ARNT2: variants seen among roughly 807,000 people sequenced by gnomAD.
The protein encoded by ARNT2 is ARNT protein 2.
Under a neutral mutation model 91.7 loss-of-function variants are expected in ARNT2, and 36 were observed. The observed-to-expected ratio is 0.39, with a 90% CI of 0.30 to 0.52. The LOEUF (loss-of-function observed/expected upper bound fraction) is 0.52. ARNT2 is among the 20% of genes least tolerant of loss of function. ARNT2 has a pLI of 0.72. For missense variants in ARNT2, 775 were observed against 939.3 expected, an observed-to-expected ratio of 0.83 and a Z score of 2.29; for synonymous variants, 365 against 347.1, an observed-to-expected ratio of 1.05 and a Z score of -0.57.
chr15:80,431,738 G>T lies in ARNT2; in HGVS notation c.32-19142G>T, dbSNP rs74512564. Among the ~76,000 whole-genome samples the T allele has an allele frequency of 7.6e-4, 116 of 152,272 alleles. No individual in the cohort carries two copies. In the East Asian group the frequency reaches 0.019, roughly 25 times the overall value. ...GGTTGTTGTCCCTACTTATCCAGCA[G>T]GGATCCTCATTAGGGGACACTGGCC... On this transcript the variant is annotated intron_variant, in intron 1 of 18. Coordinates refer to ENST00000303329, the MANE Select transcript of ARNT2 (RefSeq NM_014862.4).
At chr15:80,568,188 C>A (rs1484661263) in intron 12 of ARNT2, among the ~76,000 whole-genome samples, 1 of 152,206 alleles carries the variant, frequency 6.6e-6, no homozygotes, top group Admixed American at 6.5e-5. Context: ...ACGTGCTGGT[C>A]ACACAGCACA....
chr15:80,442,025 C>T (rs1896199160), intron 1 of ARNT2, among the ~76,000 whole-genome samples: 3 of 152,126 alleles, frequency 2.0e-5, no homozygotes, highest in Admixed American at 2.0e-4. Context: ...CATTTGCCAT[C>T]GGTTATGATC....
chr15:80,585,127 T>C (rs1898871668), intron 17 of ARNT2, among the ~76,000 whole-genome samples: 1 of 152,244 alleles, frequency 6.6e-6, no homozygotes, highest in African/African-American at 2.4e-5. Context: ...ATTTCTTCCA[T>C]TTCAGACCTT....
At chr15:80,575,214 A>G in intron 14 of ARNT2, 104 bp downstream of exon 14, 1 of 1,442,884 alleles carries the variant, frequency 6.9e-7, no homozygotes, top group Non-Finnish European at 9.6e-7. Flanking sequence ...ACGGAAGGTG[A>G]GTTTTGAGTA....
At chr15:80,430,098 T>G (rs1204914802) in intron 1 of ARNT2, among the ~76,000 whole-genome samples, 1 of 152,160 alleles carries the variant, frequency 6.6e-6, no homozygotes, top group African/African-American at 2.4e-5. Context: ...CCTAGGTCAC[T>G]CTAGGTCTTC....
chr15:80,470,419 C>T lies in ARNT2; in HGVS notation c.396C>T (p.Phe132=), dbSNP rs780074025. The change falls in exon 4 of 19, where the codon TTC becomes TTT. Residue 132 remains phenylalanine (F), a synonymous_variant. Transcript: ENST00000303329. ...KSTDGAYKPS[F]LTEQELKHLI... Reference sequence around the variant, plus strand: ...CCGATGGCGCGTACAAGCCTTCCTTCCTCACAGAGCAGGTACCCTGGTCAT... The same window carrying T: ...CCGATGGCGCGTACAAGCCTTCCTTTCTCACAGAGCAGGTACCCTGGTCAT... The T allele has an allele frequency of 1.2e-6, 2 of 1,614,046 alleles. No individual in the cohort carries two copies. The highest frequency in any genetic ancestry group is 1.7e-6 in the Non-Finnish European group (2 of 1,180,034).
chr15:80,521,331 T>C (rs1441253327), intron 8 of ARNT2, among the ~76,000 whole-genome samples: 1 of 151,974 alleles, frequency 6.6e-6, no homozygotes, highest in East Asian at 1.9e-4. Flanking sequence ...AGTTAAAGCA[T>C]AAAAAATTAA....
Position 80,574,143 on chromosome 15 carries a change from C to T in ARNT2, c.1317-5C>T, listed in dbSNP as rs1164859546. 6.2e-7 allele frequency: 1 copy of T among 1,613,928 alleles called. No homozygotes were observed. Among genetic ancestry groups the T allele is most frequent in the African/African-American group, 1.3e-5 (1 of 74,932 alleles). ...ATGACCCTCTGTTGTCTTCTTGTTT[C>T]ACAGGCAACTTCAGCAACAGCAGGC... On this transcript the variant is annotated splice_polypyrimidine_tract_variant and splice_region_variant and intron_variant, in intron 12 of 18. Coordinates refer to ENST00000303329, the MANE Select transcript of ARNT2 (RefSeq NM_014862.4).
intron 8 of ARNT2, among the ~76,000 whole-genome samples, chr15:80,528,458 C>T (rs1897678924): frequency 6.6e-6 from 1 of 152,024 alleles, no homozygotes; most frequent in Admixed American, 6.6e-5. Flanking sequence ...CTGTCATCTA[C>T]TGACATCTAT....
intron 8 of ARNT2, among the ~76,000 whole-genome samples, chr15:80,515,499 A>G (rs1263594691): frequency 6.6e-6 from 1 of 152,250 alleles, no homozygotes; most frequent in Non-Finnish European, 1.5e-5. Context: ...GCCACATATT[A>G]TATGATTTCA....
At position 80,568,403 on chromosome 15, in the gene ARNT2, G is replaced by A. The variant is rs1345325655; in HGVS notation, c.1316+5164G>A. 4.6e-5 allele frequency among the ~76,000 whole-genome samples: 7 copies of A among 152,162 alleles called. No individual in the cohort carries two copies. In the East Asian group the frequency reaches 5.8e-4, roughly 13 times the overall value. ...TTTCCTGTCACAGCATTGTTCCAACGTTGTCATAACCACACCTGTTGGTCG... is the reference window on the plus strand; with the variant it reads ...TTTCCTGTCACAGCATTGTTCCAACATTGTCATAACCACACCTGTTGGTCG... On this transcript the variant is annotated intron_variant, in intron 12 of 18. Coordinates refer to ENST00000303329, the MANE Select transcript of ARNT2 (RefSeq NM_014862.4).
intron 5 of ARNT2, among the ~76,000 whole-genome samples, chr15:80,475,788 A>T (rs1307970864): frequency 6.6e-6 from 1 of 152,198 alleles, no homozygotes; most frequent in Non-Finnish European, 1.5e-5. Context: ...CCAGATCCAT[A>T]TGCCCTGTTT....
intron 1 of ARNT2, among the ~76,000 whole-genome samples, chr15:80,410,859 CTCTT>C (rs1413490387): frequency 4.6e-5 from 7 of 151,958 alleles, no homozygotes; most frequent in South Asian, 4.2e-4. Flanking sequence ...CTCTCTCTCT[CTCTT>C]TCTCTTTCCC....
intron 8 of ARNT2, among the ~76,000 whole-genome samples, chr15:80,527,663 G>A (rs1484446354): frequency 6.6e-6 from 1 of 152,196 alleles, no homozygotes; most frequent in Admixed American, 6.5e-5. Context: ...ACCCTAATGA[G>A]GTACAGTCAC....
At chr15:80,508,400 A>G in intron 6 of ARNT2, 142 bp downstream of exon 6, 1 of 689,756 alleles carries the variant, frequency 1.4e-6, no homozygotes, top group Non-Finnish European at 2.5e-6. Context: ...TGACCTCAGC[A>G]TGCAGATATA....
chr15:80,478,971 G>T (rs971896843), intron 5 of ARNT2, among the ~76,000 whole-genome samples: 1 of 152,196 alleles, frequency 6.6e-6, no homozygotes, highest in Admixed American at 6.5e-5. Context: ...AGGGTGGAAG[G>T]GTGTTGAGGC....
In ARNT2 at chr15:80,489,544, A is replaced by G. The variant is rs116954849; in HGVS notation, c.622+14321A>G. Among the ~76,000 whole-genome samples the G allele has an allele frequency of 6.6e-4, 101 of 152,348 alleles. 2 individuals carry two copies. In the East Asian group the frequency reaches 0.018, roughly 27 times the overall value. On this transcript the variant is annotated intron_variant, in intron 5 of 18. Transcript: ENST00000303329. Reference sequence around the variant, plus strand: ...CACGTTCTAAGGACCTGAACTCACAAGAGCTCGGCATCATGAGGGTCACAC... The same window carrying G: ...CACGTTCTAAGGACCTGAACTCACAGGAGCTCGGCATCATGAGGGTCACAC...
At chr15:80,492,083 C>T (rs957028295) in intron 5 of ARNT2, among the ~76,000 whole-genome samples, 5 of 151,924 alleles carry the variant, frequency 3.3e-5, no homozygotes, top group African/African-American at 1.2e-4. Context: ...TTTGGTTGCC[C>T]AGGCTGGAGT....
chr15:80,540,042 TATCCGAA>T (rs1897882247), intron 8 of ARNT2, among the ~76,000 whole-genome samples: 1 of 152,136 alleles, frequency 6.6e-6, no homozygotes, highest in Non-Finnish European at 1.5e-5. Context: ...ACTGGGTATT[TATCCGAA>T]GGAAAAGAAA....
Sources: gnomAD v4.1 joint callset for allele counts (sites outside exome capture counted in the v4.1 genomes callset) on GRCh38, gnomAD v4.1.1 for gene constraint, MANE v1.5 for transcripts, NCBI Gene and HGNC (gene_info 2026-07-23, HGNC 2026-07-21) for gene names.